The following ANKS1B variants were observed in gnomAD, a reference collection of about 807,000 sequenced individuals.
ANKS1B encodes ankyrin repeat and sterile alpha motif domain-containing protein 1B.
In ANKS1B, 36 loss-of-function variants were observed where a neutral mutation model predicts 148.3. The ratio of observed to expected loss-of-function variants is 0.24; its 90% CI spans 0.19 to 0.32. The LOEUF is 0.32. Among genes scored for constraint, ANKS1B ranks in the 10% least tolerant of loss-of-function variants. The probability of loss-of-function intolerance (pLI) is 1.00; values close to 1 mark genes in which losing one functional copy is unlikely to be tolerated. For synonymous variants in ANKS1B, 542 were observed against 560.8 expected, an observed-to-expected ratio of 0.97 and a Z score of 0.47; for missense variants, 1,157 against 1,542.6, an observed-to-expected ratio of 0.75 and a Z score of 4.19.
intron 17 of ANKS1B, among the ~76,000 whole-genome samples, chr12:98,867,810 C>T (rs748071839): frequency 2.7e-5 from 4 of 150,682 alleles, no homozygotes; most frequent in Admixed American, 6.6e-5. Flanking sequence ...TGCAGTGAGC[C>T]GAGATCGCAC....
intron 1 of ANKS1B, among the ~76,000 whole-genome samples, chr12:99,955,141 T>C (rs996883948): frequency 1.3e-5 from 2 of 151,768 alleles, no homozygotes; most frequent in Non-Finnish European, 2.9e-5. Flanking sequence ...CACTGGGGGG[T>C]CTTTAATCCT....
chr12:98,773,219 G>T, intron 24 of ANKS1B, 40 bp from the exon 25 acceptor site: 1 of 1,566,324 alleles, frequency 6.4e-7, no homozygotes, highest in South Asian at 1.2e-5. Context: ...TTTCCTCTGC[G>T]AACCAGCATA....
chr12:99,096,846 C>G (rs748687990), intron 15 of ANKS1B, among the ~76,000 whole-genome samples: 8 of 152,036 alleles, frequency 5.3e-5, no homozygotes, highest in Non-Finnish European at 1.2e-4. Context: ...GTTTTGTTTC[C>G]AGAATATTCA....
At chr12:98,838,082 C>T (rs1302064927) in intron 17 of ANKS1B, among the ~76,000 whole-genome samples, 1 of 152,182 alleles carries the variant, frequency 6.6e-6, no homozygotes, top group East Asian at 1.9e-4. Context: ...AACTTTTCTA[C>T]ATATACAACT....
At chr12:99,000,984 TGC>T (rs998187849) in intron 17 of ANKS1B, among the ~76,000 whole-genome samples, 46 of 152,006 alleles carry the variant, frequency 3.0e-4, no homozygotes, top group Non-Finnish European at 6.3e-4. Context: ...TGTGTGTGTG[TGC>T]GCGCGTGCAT....
rs553068877 is a variant in ANKS1B, at chr12:99,738,394, T to C, written c.1128+34528A>G. ...ACATTTAACTCCTCCATCTAACTTC[T>C]CCATATTTGTTGGGTCACTAAGCCA... On this transcript the variant is annotated intron_variant, in intron 8 of 26. Transcript: ENST00000683438. 2.8e-3 allele frequency among the ~76,000 whole-genome samples: 429 copies of C among 152,268 alleles called. 1 individual carries two copies. The highest frequency in any genetic ancestry group is 5.3e-3 in the Non-Finnish European group (360 of 67,990).
At chr12:99,449,702 A>G (rs71462278) in intron 10 of ANKS1B, among the ~76,000 whole-genome samples, 1 of 152,192 alleles carries the variant, frequency 6.6e-6, no homozygotes, top group African/African-American at 2.4e-5. Context: ...CAGAGGGAAA[A>G]CAAGAAAACA....
intron 15 of ANKS1B, among the ~76,000 whole-genome samples, chr12:99,150,022 C>G (rs1314577110): frequency 6.6e-6 from 1 of 152,128 alleles, no homozygotes; most frequent in African/African-American, 2.4e-5. Flanking sequence ...AGGGTCATGT[C>G]TTATTCACTG....
At chr12:99,332,718 C>A in intron 12 of ANKS1B, among the ~76,000 whole-genome samples, 1 of 148,016 alleles carries the variant, frequency 6.8e-6, no homozygotes. Flanking sequence ...TTTCTTTTTT[C>A]CAGGTGGACC....
intron 17 of ANKS1B, among the ~76,000 whole-genome samples, chr12:99,020,023 T>C (rs184267087): frequency 6.6e-6 from 1 of 152,296 alleles, no homozygotes; most frequent in East Asian, 1.9e-4. Context: ...CTGATGTTTG[T>C]TGTGGTTTTA....
At position 99,335,054 on chromosome 12, in the gene ANKS1B, T is replaced by C. The variant is rs111713295; in HGVS notation, c.1756+64577A>G. Among the ~76,000 whole-genome samples, 365 of 152,230 alleles carry C rather than the reference T, an allele frequency of 2.4e-3. 1 individual carries two copies. The highest frequency in any genetic ancestry group is 8.1e-3 in the African/African-American group (338 of 41,572). ...TTGAGTCCTCGCGATGGTCTTGCAA[T>C]TTTGTAAACTCATAGAGCAGATGTT... On this transcript the variant is annotated intron_variant, in intron 12 of 26. Coordinates refer to ENST00000683438, the MANE Select transcript of ANKS1B (RefSeq NM_001352186.2).
At chr12:99,909,217 CGTGTGTGTGTGTGTGTGTGTGT>C (rs60264932) in intron 1 of ANKS1B, among the ~76,000 whole-genome samples, 11 of 137,394 alleles carry the variant, frequency 8.0e-5, no homozygotes, top group African/African-American at 1.9e-4. Flanking sequence ...AATATTCCAT[CGTGTGTGTGTGTGTGTGTGTGT>C]GTGTGTGTGT....
intron 1 of ANKS1B, among the ~76,000 whole-genome samples, chr12:99,866,394 T>C (rs1565889453): frequency 6.6e-6 from 1 of 152,162 alleles, no homozygotes; most frequent in Non-Finnish European, 1.5e-5. Context: ...GGCATTTTTG[T>C]TTACTTTTCC....
intron 17 of ANKS1B, among the ~76,000 whole-genome samples, chr12:99,033,346 A>G (rs2099953481): frequency 6.6e-6 from 1 of 152,222 alleles, no homozygotes; most frequent in Non-Finnish European, 1.5e-5. Flanking sequence ...ACATATAAGG[A>G]CATATAAGAA....
At chr12:99,421,787 G>T (rs964437997) in intron 11 of ANKS1B, among the ~76,000 whole-genome samples, 4 of 152,156 alleles carry the variant, frequency 2.6e-5, no homozygotes, top group Admixed American at 1.3e-4. Context: ...ACACTGAACT[G>T]TAATCCTCAG....
chr12:99,154,958 C>A, intron 14 of ANKS1B: 1 of 1,535,436 alleles, frequency 6.5e-7, no homozygotes, highest in Non-Finnish European at 8.7e-7. Context: ...GCTGCTGCTT[C>A]CTCCTACACA....
At chr12:99,616,587 T>C (rs1237978866) in intron 9 of ANKS1B, among the ~76,000 whole-genome samples, 2 of 152,138 alleles carry the variant, frequency 1.3e-5, no homozygotes, top group African/African-American at 2.4e-5. Flanking sequence ...TGGCTAGCCA[T>C]AGGCAGAAAA....
At chr12:99,572,744 T>C (rs935380880) in intron 9 of ANKS1B, among the ~76,000 whole-genome samples, 1 of 152,030 alleles carries the variant, frequency 6.6e-6, no homozygotes, top group African/African-American at 2.4e-5. Context: ...AAGATAACTA[T>C]AGAGATAAAT....
chr12:99,876,552 G>A (rs1000806409), intron 1 of ANKS1B, among the ~76,000 whole-genome samples: 5 of 151,892 alleles, frequency 3.3e-5, no homozygotes, highest in African/African-American at 7.3e-5. Context: ...GTGAAATCTC[G>A]TCTCTACTAA....
Sources: gnomAD v4.1 joint callset for allele counts (sites outside exome capture counted in the v4.1 genomes callset) on GRCh38, gnomAD v4.1.1 for gene constraint, MANE v1.5 for transcripts, NCBI Gene and HGNC (gene_info 2026-07-23, HGNC 2026-07-21) for gene names.